Variants in RIC1 observed in about 807,000 individuals in gnomAD.
The protein encoded by RIC1 is guanine nucleotide exchange factor subunit RIC1.
Under a neutral mutation model 169.0 loss-of-function variants are expected in RIC1, and 88 were observed. That is an observed-to-expected ratio of 0.52 (90% CI 0.44 to 0.62). The LOEUF (loss-of-function observed/expected upper bound fraction) is 0.62, where lower values mean the gene tolerates loss of function less well. Ranked by LOEUF, RIC1 falls within the 20% of genes least tolerant of loss-of-function variation. RIC1 has a pLI of 0.00. For missense variants in RIC1, 1,877 were observed against 1,725.5 expected (o/e 1.09, Z -1.56); for synonymous variants, 790 against 601.5 (o/e 1.31, Z -4.59).
chr9:5,672,960 G>A (rs1214677543), intron 2 of RIC1, among the ~76,000 whole-genome samples: 2 of 152,158 alleles, frequency 1.3e-5, no homozygotes, highest in Non-Finnish European at 2.9e-5. Context: ...TAGACAGGAT[G>A]TCCTTTATCT....
chr9:5,748,843 C>G (rs557423259), intron 12 of RIC1: 1 of 152,404 alleles, frequency 6.6e-6, no homozygotes, highest in East Asian at 1.9e-4. Flanking sequence ...CATTTTAACA[C>G]TGATTTTAGG....
At chr9:5,753,052 C>T in intron 12 of RIC1, 148 bp from the exon 13 acceptor site, 2 of 645,098 alleles carry the variant, frequency 3.1e-6, no homozygotes, top group Non-Finnish European at 5.5e-6. Flanking sequence ...GATTCATATA[C>T]AAATGGTAAA....
intron 4 of RIC1, among the ~76,000 whole-genome samples, chr9:5,716,675 G>A (rs1823265576): frequency 1.3e-5 from 2 of 152,160 alleles, no homozygotes; most frequent in African/African-American, 4.8e-5. Context: ...ATCGAACAGG[G>A]TTCTGACATC....
intron 2 of RIC1, among the ~76,000 whole-genome samples, chr9:5,664,801 T>C (rs2130516304): frequency 6.6e-6 from 1 of 152,362 alleles, no homozygotes; most frequent in East Asian, 1.9e-4. Context: ...TCAGAGGTTT[T>C]ATTCATTTTC....
At chr9:5,655,322 A>G (rs1041276670) in intron 1 of RIC1, among the ~76,000 whole-genome samples, 4 of 151,816 alleles carry the variant, frequency 2.6e-5, no homozygotes, top group Admixed American at 2.6e-4. Flanking sequence ...TTTTATGGAG[A>G]CAGAGTCTCG....
At position 5,763,922 on chromosome 9, in the gene RIC1, A is replaced by G; in HGVS notation, c.2841+54A>G. On this transcript the variant is annotated intron_variant, in intron 19 of 25. Transcript: ENST00000414202. This position sits in a 1 kb window ranked among gnomAD's most constrained non-coding sequence, Gnocchi z 5.2. ...AGAATTAATGAGCTTAAACTTAGAA[A>G]AATAGAAATGTCCTGTTTTGACACC... 1 of 1,516,970 alleles carries G rather than the reference A, an allele frequency of 6.6e-7. No homozygotes were observed. Among genetic ancestry groups the G allele is most frequent in the Non-Finnish European group, 8.9e-7 (1 of 1,128,828 alleles). The allele number at this position is 1,516,970 out of a possible 1,614,324, so 94.0% of individuals were successfully genotyped here. A position where few individuals can be genotyped will look rare whatever the true frequency, so the allele number is the denominator to read the frequency against.
At chr9:5,739,875 A>T (rs1824964237) in intron 8 of RIC1, among the ~76,000 whole-genome samples, 1 of 152,080 alleles carries the variant, frequency 6.6e-6, no homozygotes, top group Non-Finnish European at 1.5e-5. Context: ...TTTTCCAATC[A>T]GTGCCTTCAC....
At chr9:5,713,203 C>T (rs1245730535) in intron 3 of RIC1, 1 of 152,112 alleles carries the variant, frequency 6.6e-6, no homozygotes, top group East Asian at 1.9e-4. Context: ...TGTTAAATTC[C>T]AGCACAGGCA....
intron 2 of RIC1, among the ~76,000 whole-genome samples, chr9:5,657,798 G>A (rs1303163254): frequency 3.3e-5 from 5 of 152,094 alleles, no homozygotes; most frequent in African/African-American, 9.7e-5. Context: ...TTTGTACACA[G>A]ACCATAATGT....
intron 22 of RIC1, 76 bp downstream of exon 22, chr9:5,769,332 T>C (rs767677817): frequency 4.3e-6 from 7 of 1,613,774 alleles, no homozygotes; most frequent in Non-Finnish European, 1.7e-6. Flanking sequence ...TGCTATTAGT[T>C]GATATTCAAG....
intron 22 of RIC1, chr9:5,769,638 T>G (rs1295781781): frequency 2.6e-6 from 1 of 377,466 alleles, no homozygotes; most frequent in Non-Finnish European, 4.7e-6. Context: ...TAAGGCCACC[T>G]TCTAAACTAG....
intron 2 of RIC1, among the ~76,000 whole-genome samples, chr9:5,684,871 G>C (rs369102314): frequency 6.6e-6 from 1 of 152,070 alleles, no homozygotes; most frequent in Non-Finnish European, 1.5e-5. Flanking sequence ...TTTTTAATCA[G>C]GAATGGATGT....
chr9:5,633,063 C>T (rs1362954938), intron 1 of RIC1, among the ~76,000 whole-genome samples: 2 of 152,154 alleles, frequency 1.3e-5, no homozygotes, highest in Non-Finnish European at 2.9e-5. Context: ...TGAGATATCA[C>T]TGTTGTAGGT....
At chr9:5,638,085 C>T (rs1447656430) in intron 1 of RIC1, among the ~76,000 whole-genome samples, 2 of 152,090 alleles carry the variant, frequency 1.3e-5, no homozygotes, top group African/African-American at 4.8e-5. Context: ...AATGCTTTTT[C>T]AGCATCAGTT....
At chr9:5,754,165 G>A (rs182362795) in intron 14 of RIC1, among the ~76,000 whole-genome samples, 298 of 152,220 alleles carry the variant, frequency 2.0e-3, no homozygotes, top group African/African-American at 6.8e-3. Flanking sequence ...CAGCAACCCA[G>A]TGAAGGCACT....
chr9:5,667,221 G>A (rs534975223), intron 2 of RIC1, among the ~76,000 whole-genome samples: 41 of 152,214 alleles, frequency 2.7e-4, no homozygotes, highest in African/African-American at 9.4e-4. Context: ...GCTCAGGAGG[G>A]TGAGTCAGGA....
Position 5,738,553 on chromosome 9 carries a change from T to C in RIC1, c.901+15T>C. 1.3e-6 allele frequency: 2 copies of C among 1,487,172 alleles called. No individual in the cohort carries two copies. The highest frequency in any genetic ancestry group is 1.8e-6 in the Non-Finnish European group (2 of 1,104,648). The allele number at this position is 1,487,172 out of a possible 1,614,324, so 92.1% of individuals were successfully genotyped here. A position where few individuals can be genotyped will look rare whatever the true frequency, so the allele number is the denominator to read the frequency against. ...ACAGTATCCTGGTGAGTCTTTTTTT[T>C]TTTTTTTTTTTTTAACATTTTTAAT... On this transcript the variant is annotated intron_variant, in intron 8 of 25. Coordinates refer to ENST00000414202, the MANE Select transcript of RIC1 (RefSeq NM_020829.4).
intron 3 of RIC1, among the ~76,000 whole-genome samples, chr9:5,697,121 G>A (rs1368816582): frequency 1.3e-5 from 2 of 152,176 alleles, no homozygotes; most frequent in Non-Finnish European, 2.9e-5. Context: ...TAAGACTCGG[G>A]AAACCCCTGC....
intron 2 of RIC1, among the ~76,000 whole-genome samples, chr9:5,676,097 A>C (rs1473320565): frequency 6.6e-6 from 1 of 152,142 alleles, no homozygotes; most frequent in African/African-American, 2.4e-5. Flanking sequence ...TGTAAAGCTA[A>C]CGAAAGACGA....
Sources: gnomAD v4.1 joint callset for allele counts (sites outside exome capture counted in the v4.1 genomes callset) on GRCh38, gnomAD v4.1.1 for gene constraint, Gnocchi (gnomAD v3.1) non-coding constraint, MANE v1.5 for transcripts, NCBI Gene and HGNC (gene_info 2026-07-23, HGNC 2026-07-21) for gene names.